Variants in SATL1 observed in about 807,000 individuals in gnomAD.
SATL1 encodes the protein spermidine/spermine N1-acetyl transferase like 1.
In SATL1, 47 loss-of-function variants were observed where a neutral mutation model predicts 51.8. The observed-to-expected ratio is 0.91, with a 90% confidence interval of 0.72 to 1.16. SATL1 has a LOEUF of 1.16. Among genes scored for constraint, SATL1 ranks in the 50% most tolerant of loss-of-function variants. The pLI is 0.00. For missense variants in SATL1, 520 were observed against 526.4 expected (o/e 0.99, Z 0.12); for synonymous variants, 176 against 182.4 (o/e 0.97, Z 0.28).
intron 2 of SATL1, among the ~76,000 whole-genome samples, chrX:85,121,151 A>G (rs891809111): frequency 1.8e-5 from 2 of 110,125 alleles, no homozygotes; most frequent in Non-Finnish European, 3.8e-5. Context: ...CACTTGCCCA[A>G]CCTACCTCAT....
At chrX:85,114,257 A>G (rs2147696848) in intron 2 of SATL1, among the ~76,000 whole-genome samples, 1 of 111,987 alleles carries the variant, frequency 8.9e-6, no homozygotes, top group Non-Finnish European at 1.9e-5. Context: ...CAATTGTTAA[A>G]AGCTCTAAAT....
intron 2 of SATL1, chrX:85,117,409 A>G (rs1407627609): frequency 2.7e-5 from 3 of 111,774 alleles, no homozygotes; most frequent in Non-Finnish European, 5.6e-5. Flanking sequence ...TTTCATCTAA[A>G]TAAATACTTG....
intron 2 of SATL1, among the ~76,000 whole-genome samples, chrX:85,182,098 A>C (rs1248265308): frequency 9.0e-6 from 1 of 111,420 alleles, no homozygotes; most frequent in African/African-American, 3.3e-5. Flanking sequence ...TTGTATTGAA[A>C]ATTTTTGATA....
At chrX:85,092,915 T>C (rs1345451887) in intron 7 of SATL1, 2 of 324,900 alleles carry the variant, frequency 6.2e-6, no homozygotes, top group African/African-American at 5.3e-5. Flanking sequence ...TAAAAATGCT[T>C]TCTAATCTCC....
Position 85,109,059 on chromosome X carries a change from A to G in SATL1, c.-91T>C. ...ATTGGCTGATGGCTGTCTTGATGGA[A>G]CAGAATCCCTTAACTGTGCTGTGGT... is the stretch of plus-strand genomic sequence containing the variant. On this transcript the variant is annotated 5_prime_UTR_variant, in exon 3 of 8. Transcript: ENST00000644105. 1 of 860,869 alleles carries G rather than the reference A, an allele frequency of 1.2e-6. No individual in the cohort carries two copies. The highest frequency in any genetic ancestry group is 2.8e-5 in the Admixed American group (1 of 35,460). The allele number at this position is 860,869 out of a possible 1,213,427, so 70.9% of individuals were successfully genotyped here.
intron 2 of SATL1, among the ~76,000 whole-genome samples, chrX:85,163,744 T>G (rs1367107575): frequency 8.9e-6 from 1 of 111,778 alleles, no homozygotes; most frequent in Non-Finnish European, 1.9e-5. Flanking sequence ...AGTTGTTGGG[T>G]AGAATGTTCT....
chrX:85,168,187 G>A (rs1028183861), intron 2 of SATL1, among the ~76,000 whole-genome samples: 6 of 111,059 alleles, frequency 5.4e-5, no homozygotes, highest in African/African-American at 1.6e-4. Flanking sequence ...ATACTGAATG[G>A]GCAAAAGCTG....
intron 4 of SATL1, among the ~76,000 whole-genome samples, chrX:85,100,525 A>G (rs1177713709): frequency 2.7e-5 from 3 of 112,184 alleles, no homozygotes; most frequent in Non-Finnish European, 5.6e-5. Context: ...GCTATAAAAC[A>G]TTGCTCAAAG....
intron 2 of SATL1, among the ~76,000 whole-genome samples, chrX:85,204,847 C>CA (rs199970590): frequency 0.13 from 14,239 of 111,255 alleles, 709 homozygotes; most frequent in South Asian, 0.17. Context: ...AATCTTCAAA[C>CA]AAAAAAAGTA....
chrX:85,093,853 C>T (rs1460632194), intron 6 of SATL1, among the ~76,000 whole-genome samples: 1 of 111,504 alleles, frequency 9.0e-6, no homozygotes, highest in East Asian at 2.8e-4. Flanking sequence ...GACAGAAAAC[C>T]CTGTCTCAAA....
At chrX:85,171,842 T>C (rs910228274) in intron 2 of SATL1, among the ~76,000 whole-genome samples, 7 of 111,713 alleles carry the variant, frequency 6.3e-5, no homozygotes, top group African/African-American at 2.3e-4. Flanking sequence ...TCCTCTCTCA[T>C]GTGTTTATGA....
At chrX:85,200,281 ATC>A (rs1927662543) in intron 2 of SATL1, among the ~76,000 whole-genome samples, 1 of 111,536 alleles carries the variant, frequency 9.0e-6, no homozygotes, top group African/African-American at 3.3e-5. Flanking sequence ...TGTCTTTTGT[ATC>A]TCTGTGTCCA....
intron 3 of SATL1, among the ~76,000 whole-genome samples, chrX:85,104,725 C>T (rs1335130007): frequency 9.0e-6 from 1 of 111,160 alleles, no homozygotes; most frequent in Non-Finnish European, 1.9e-5. Flanking sequence ...TTGCATGTAC[C>T]CTATGTACAT....
At chrX:85,226,661 C>G (rs1052855043) in intron 1 of SATL1, among the ~76,000 whole-genome samples, 1 of 110,735 alleles carries the variant, frequency 9.0e-6, no homozygotes, top group African/African-American at 3.3e-5. Flanking sequence ...ACTTGGTGAT[C>G]AATATATATT....
At chrX:85,224,768 CAAAA>C (rs58905613) in intron 1 of SATL1, among the ~76,000 whole-genome samples, 26 of 59,733 alleles carry the variant, frequency 4.4e-4, no homozygotes, top group African/African-American at 1.4e-3. Flanking sequence ...GAGTATATAT[CAAAA>C]AAAAAAAAAA....
intron 3 of SATL1, among the ~76,000 whole-genome samples, chrX:85,104,568 T>C (rs1924986121): frequency 9.0e-6 from 1 of 111,179 alleles, no homozygotes; most frequent in African/African-American, 3.3e-5. Context: ...CCATCTTGGC[T>C]GACTTGACAT....
At chrX:85,157,191 A>G in intron 2 of SATL1, among the ~76,000 whole-genome samples, 2 of 110,376 alleles carry the variant, frequency 1.8e-5, no homozygotes, top group South Asian at 7.7e-4. Context: ...CTCTGTCTTA[A>G]TAACATCAAG....
At chrX:85,233,977 G>A (rs1928432084) in intron 1 of SATL1, among the ~76,000 whole-genome samples, 1 of 111,121 alleles carries the variant, frequency 9.0e-6, no homozygotes, top group South Asian at 3.7e-4. Flanking sequence ...TAACCTAAAT[G>A]AGACTACCTT....
chrX:85,237,862 G>A (rs758919152), intron 1 of SATL1, among the ~76,000 whole-genome samples: 24 of 110,036 alleles, frequency 2.2e-4, no homozygotes, highest in Admixed American at 2.1e-3. Context: ...CAAACAATAG[G>A]AAAAAATCTA....
Sources: gnomAD v4.1 joint callset for allele counts (sites outside exome capture counted in the v4.1 genomes callset) on GRCh38, gnomAD v4.1.1 for gene constraint, MANE v1.5 for transcripts, NCBI Gene and HGNC (gene_info 2026-07-23, HGNC 2026-07-21) for gene names.